The following LDHC variants were observed in gnomAD, a reference collection of about 807,000 sequenced individuals.
LDHC encodes the protein L-lactate dehydrogenase C chain.
In LDHC, 20 loss-of-function variants were observed where a neutral mutation model predicts 30.2. The observed-to-expected ratio is 0.66, with a 90% CI of 0.47 to 0.96. The LOEUF is 0.96. Ranked by LOEUF, LDHC falls within the 40% of genes least tolerant of loss-of-function variation. LDHC has a pLI of 0.00. For missense variants in LDHC, 362 were observed against 394.9 expected (o/e 0.92, Z 0.71); for synonymous variants, 139 against 132.7 (o/e 1.05, Z -0.32).
chr11:18,416,717 C>T (rs1286919420), intron 3 of LDHC, among the ~76,000 whole-genome samples: 1 of 146,526 alleles, frequency 6.8e-6, no homozygotes, highest in Non-Finnish European at 1.5e-5. Flanking sequence ...TTTTCCCTTT[C>T]CCCTTCCTTC....
chr11:18,450,756 G>T, intron 7 of LDHC: 1 of 445,932 alleles, frequency 2.2e-6, no homozygotes, highest in Non-Finnish European at 3.9e-6. Flanking sequence ...AAGGCCTCTG[G>T]CATCTTCTTC....
In LDHC at chr11:18,451,120, T is replaced by C. The variant is rs1296931433; in HGVS notation, c.992T>C (p.Ile331Thr). Residue 331 changes from isoleucine (I) to threonine (T), a missense_variant, in exon 8 of 8, where the codon ATA becomes ACA. By Grantham distance (89) the Ile-to-Thr change is moderately conservative. Transcript: ENST00000541669. ...CTTTGGAATATTCAAAAGGATCTAA[T>C]ATTTTAAATTAAAGCCTTCTAATGT... ...ETLWNIQKDL[I>T]F 6 of 1,506,824 alleles carry C rather than the reference T, an allele frequency of 4.0e-6. No individual in the cohort carries two copies. The highest frequency in any genetic ancestry group is 5.3e-6 in the Non-Finnish European group (6 of 1,133,250). 93.3% of individuals were successfully genotyped at this position (1,506,824 alleles called of 1,614,324 possible).
chr11:18,442,660 CT>C (rs34884188), intron 6 of LDHC, among the ~76,000 whole-genome samples: 1,977 of 112,528 alleles, frequency 0.018, 33 homozygotes, highest in African/African-American at 0.058. Flanking sequence ...TTCTCTCTCT[CT>C]TTTTTTTTTT....
chr11:18,428,254 C>T (rs1848199187), intron 3 of LDHC, among the ~76,000 whole-genome samples: 1 of 143,812 alleles, frequency 7.0e-6, no homozygotes, highest in African/African-American at 2.6e-5. Flanking sequence ...TCACTGCAAC[C>T]TCCGCCTCCT....
At chr11:18,439,914 C>T (rs1278315554) in intron 6 of LDHC, among the ~76,000 whole-genome samples, 1 of 150,122 alleles carries the variant, frequency 6.7e-6, no homozygotes, top group Non-Finnish European at 1.5e-5. Flanking sequence ...ATTGCTTGAA[C>T]CTAGGAGGCA....
intron 3 of LDHC, among the ~76,000 whole-genome samples, chr11:18,429,205 C>T (rs546370269): frequency 1.2e-3 from 183 of 150,322 alleles, no homozygotes; most frequent in Middle Eastern, 0.01. Context: ...CTCCGCCTCC[C>T]AGGTTCAAGC....
Position 18,450,973 on chromosome 11 carries a change from G to A in LDHC, c.845G>A (p.Gly282Glu). Reference protein sequence around the residue: ...PVSTMVKGLYGIKEELFLSIP... With the variant: ...PVSTMVKGLYEIKEELFLSIP... ...TATCTTGCCTTTCAGGGATTATATG[G>A]AATAAAAGAAGAACTCTTTCTCAGT... The change falls in exon 8 of 8, where the codon GGA (glycine) becomes GAA (glutamate). Residue 282 changes from glycine to glutamate, a missense_variant. Transcript: ENST00000541669. 6.3e-7 allele frequency: 1 copy of A among 1,587,176 alleles called. No homozygotes were observed. Among genetic ancestry groups the A allele is most frequent in the Non-Finnish European group, 8.5e-7 (1 of 1,170,682 alleles).
Position 18,434,432 on chromosome 11 carries a change from C to G in LDHC, c.419-308C>G, listed in dbSNP as rs1030987014. 5.9e-5 allele frequency among the ~76,000 whole-genome samples: 9 copies of G among 152,044 alleles called. 1 individual carries two copies. Among genetic ancestry groups the G allele is most frequent in the Admixed American group, 2.0e-4 (3 of 15,246 alleles). On this transcript the variant is annotated intron_variant, in intron 4 of 7. Transcript: ENST00000541669. Reference sequence around the variant, plus strand: ...GTTGGTTTTCTGATTCCTTCTTAGCCTCCCAAGTAGCTGGGAATGCAGGTG... The same window carrying G: ...GTTGGTTTTCTGATTCCTTCTTAGCGTCCCAAGTAGCTGGGAATGCAGGTG...
At chr11:18,420,859 A>G (rs1848030679) in intron 3 of LDHC, among the ~76,000 whole-genome samples, 1 of 152,158 alleles carries the variant, frequency 6.6e-6, no homozygotes, top group South Asian at 2.1e-4. Context: ...TATCAATTGT[A>G]TAAAACTGTA....
intron 6 of LDHC, among the ~76,000 whole-genome samples, chr11:18,440,626 C>T (rs138263363): frequency 1.8e-4 from 27 of 151,946 alleles, no homozygotes; most frequent in African/African-American, 5.3e-4. Context: ...TAAATTTTAC[C>T]GTAGTTAAAA....
rs1008440778 is a variant in LDHC, at chr11:18,423,976, A to G, written c.245-5761A>G. ...GCACAGGAAAATAAAAACCATATCA[A>G]TATACCATTACACACCCACTAGATT... On this transcript the variant is annotated intron_variant, in intron 3 of 7. Coordinates refer to ENST00000541669, the MANE Select transcript of LDHC (RefSeq NM_017448.5). Among the ~76,000 whole-genome samples, 9 of 150,956 alleles carry G rather than the reference A, an allele frequency of 6.0e-5. No individual in the cohort carries two copies. The Admixed American group carries it at 6.0e-4, about 10-fold the overall frequency.
chr11:18,442,568 T>G (rs561596667), intron 6 of LDHC, among the ~76,000 whole-genome samples: 17 of 152,298 alleles, frequency 1.1e-4, no homozygotes, highest in Admixed American at 1.0e-3. Context: ...CTAGACTGTT[T>G]TTTTCCCCCC....
At chr11:18,429,466 A>G (rs1848225735) in intron 3 of LDHC, among the ~76,000 whole-genome samples, 1 of 152,150 alleles carries the variant, frequency 6.6e-6, no homozygotes, top group South Asian at 2.1e-4. Context: ...TTGGGCCTTC[A>G]TAACACAGGG....
At chr11:18,425,020 A>T (rs1281631329) in intron 3 of LDHC, among the ~76,000 whole-genome samples, 2 of 152,190 alleles carry the variant, frequency 1.3e-5, no homozygotes, top group African/African-American at 4.8e-5. Flanking sequence ...CAAAACAAAT[A>T]AAAAAACAAT....
intron 6 of LDHC, among the ~76,000 whole-genome samples, chr11:18,439,317 C>T (rs941400649): frequency 3.3e-5 from 5 of 152,122 alleles, no homozygotes; most frequent in Admixed American, 6.5e-5. Flanking sequence ...AATTCCAGCG[C>T]TTTGGGAGGC....
intron 5 of LDHC, among the ~76,000 whole-genome samples, chr11:18,435,918 G>T (rs1441596240): frequency 1.3e-5 from 2 of 152,144 alleles, no homozygotes; most frequent in East Asian, 3.8e-4. Flanking sequence ...TTTAGTCTCT[G>T]CTACATGGTT....
intron 3 of LDHC, 45 bp downstream of exon 3, chr11:18,415,346 A>T (rs776472093): frequency 9.7e-7 from 1 of 1,028,844 alleles, no homozygotes; most frequent in Admixed American, 2.0e-5. Flanking sequence ...TTTTTAAAAA[A>T]GTAATAAATT....
chr11:18,439,887 G>C (rs1214763574), intron 6 of LDHC, among the ~76,000 whole-genome samples: 4 of 150,990 alleles, frequency 2.6e-5, no homozygotes, highest in African/African-American at 4.9e-5. Flanking sequence ...AGCTACTTGG[G>C]AGGCTGAGGC....
At chr11:18,421,308 G>A (rs1453267349) in intron 3 of LDHC, among the ~76,000 whole-genome samples, 1 of 151,896 alleles carries the variant, frequency 6.6e-6, no homozygotes, top group Non-Finnish European at 1.5e-5. Context: ...GCCCGCTTCG[G>A]CTTCCCAAAG....
Sources: allele counts gnomAD v4.1 joint callset (sites outside exome capture counted in the v4.1 genomes callset), GRCh38; gene constraint gnomAD v4.1.1; transcripts MANE v1.5; gene names NCBI Gene and HGNC (gene_info 2026-07-23, HGNC 2026-07-21).